Variants in INTS6 observed in about 807,000 individuals in gnomAD.
The protein encoded by INTS6 is integrator complex subunit 6.
A neutral mutation model predicts 104.9 loss-of-function variants in INTS6; 16 were observed. The ratio of observed to expected loss-of-function variants is 0.15; its 90% confidence interval spans 0.10 to 0.23. INTS6 has a LOEUF of 0.23. INTS6 is among the 10% of genes least tolerant of loss of function. INTS6 has a pLI of 1.00. For missense variants in INTS6, 584 were observed against 1,062.8 expected, an observed-to-expected ratio of 0.55 and a Z score of 6.26; for synonymous variants, 324 against 358.7, an observed-to-expected ratio of 0.90 and a Z score of 1.09.
rs1240556197 is a variant in INTS6, at chr13:51,382,047, C to T, written c.1257G>A (p.Met419Ile). 32 of 1,609,562 alleles carry T rather than the reference C, an allele frequency of 2.0e-5. No individual in the cohort carries two copies. Among genetic ancestry groups the T allele is most frequent in the Non-Finnish European group, 2.7e-5 (32 of 1,177,276 alleles). ...RQSFESYLKT[M>I]PPYYLGPLKK... The stretch of plus-strand genomic sequence containing the variant: ...TTCTTACCCCAAGATAGTAGGGAGG[C>T]ATTGTCTTCAAATAACTTTCAAATG... The change falls in exon 10 of 18, where the codon ATG becomes ATA. Residue 419 changes from methionine to isoleucine, a missense_variant. Met to Ile is a conservative substitution (Grantham distance 10, BLOSUM62 1). Around this residue, in one of 5 missense-constraint regions of INTS6, gnomAD observed 144 missense variants for 348.7 expected, o/e 0.41. Coordinates refer to ENST00000311234, the MANE Select transcript of INTS6 (RefSeq NM_012141.3).
At chr13:51,372,709 C>T (rs1377030068) in intron 15 of INTS6, among the ~76,000 whole-genome samples, 1 of 152,218 alleles carries the variant, frequency 6.6e-6, no homozygotes, top group Non-Finnish European at 1.5e-5. Flanking sequence ...TCTGACTCCT[C>T]CCCTGCTCTG....
chr13:51,337,920 C>T, the INTS6 span, among the ~76,000 whole-genome samples: 1 of 152,112 alleles, frequency 6.6e-6, no homozygotes, highest in South Asian at 2.1e-4. Flanking sequence ...GGTCAGAGAC[C>T]ACAGTGACTT....
At chr13:51,406,670 C>T (rs1242275107) in intron 4 of INTS6, among the ~76,000 whole-genome samples, 2 of 152,046 alleles carry the variant, frequency 1.3e-5, no homozygotes, top group Non-Finnish European at 2.9e-5. Context: ...CCTTGGATGG[C>T]TTCTTATTGC....
chr13:51,393,074 A>T (rs889830696), intron 5 of INTS6, among the ~76,000 whole-genome samples: 35 of 139,430 alleles, frequency 2.5e-4, no homozygotes, highest in Admixed American at 2.1e-3. Flanking sequence ...AAACAACTAA[A>T]TTTTTTTTTT....
At chr13:51,436,226 C>T (rs764697068) in intron 3 of INTS6, among the ~76,000 whole-genome samples, 102 of 151,894 alleles carry the variant, frequency 6.7e-4, no homozygotes, top group Non-Finnish European at 1.1e-3. Context: ...TTTTTTTTAA[C>T]CATGTGCATT....
intron 4 of INTS6, among the ~76,000 whole-genome samples, chr13:51,423,812 A>G (rs1956938635): frequency 6.6e-6 from 1 of 152,022 alleles, no homozygotes; most frequent in Non-Finnish European, 1.5e-5. Flanking sequence ...CTGTTTTGTT[A>G]AAGTTGTTCA....
Position 51,372,922 on chromosome 13 carries a change from G to A in INTS6, c.2104+1286C>T, listed in dbSNP as rs545524685. Among the ~76,000 whole-genome samples, 3 of 152,262 alleles carry A rather than the reference G, an allele frequency of 2.0e-5. No homozygotes were observed. In the South Asian group the frequency reaches 6.2e-4, roughly 32 times the overall value. Reference sequence around the variant, plus strand: ...CTCTCCAACATGTTTTCTGTTTGTGGAAAAGTTTGATTTTGTTTGATTCTG... The same window carrying A: ...CTCTCCAACATGTTTTCTGTTTGTGAAAAAGTTTGATTTTGTTTGATTCTG... On this transcript the variant is annotated intron_variant, in intron 15 of 17. Coordinates refer to ENST00000311234, the MANE Select transcript of INTS6 (RefSeq NM_012141.3).
At chr13:51,406,370 A>G (rs1195146490) in intron 4 of INTS6, among the ~76,000 whole-genome samples, 1 of 152,066 alleles carries the variant, frequency 6.6e-6, no homozygotes, top group African/African-American at 2.4e-5. Context: ...TCTACCCAAA[A>G]TGGTCCTCTT....
At chr13:51,348,436 G>A in the INTS6 span, 6 of 1,600,446 alleles carry the variant, frequency 3.7e-6, no homozygotes, top group Non-Finnish European at 5.1e-6. Flanking sequence ...CCCCCTCACA[G>A]GTGCTGTGCA....
At chr13:51,383,817 T>G (rs1347583864) in intron 7 of INTS6, 76 bp from the exon 8 acceptor site, 1 of 1,272,730 alleles carries the variant, frequency 7.9e-7, no homozygotes, top group Non-Finnish European at 1.1e-6. Flanking sequence ...ATTATCAAAA[T>G]TTACTCAGTT....
intron 3 of INTS6, chr13:51,436,289 C>G (rs1952685508): frequency 6.6e-6 from 1 of 151,924 alleles, no homozygotes; most frequent in African/African-American, 2.4e-5. Context: ...GTTTGGTATT[C>G]TAAAATAAAA....
In INTS6 at chr13:51,383,293, T is replaced by C. The variant is rs776406287; in HGVS notation, c.1180+36A>G. On this transcript the variant is annotated intron_variant, in intron 9 of 17. Transcript: ENST00000311234. ...AATGCGCTTTAGGAGAACTTTTATA[T>C]GCTAAGCCAAGGAGAAAGTGACAAG... The C allele has an allele frequency of 1.7e-5, 27 of 1,559,334 alleles. No homozygotes were observed. In the East Asian group the frequency reaches 6.1e-4, roughly 36 times the overall value.
At chr13:51,348,157 G>T in the INTS6 span, 2 of 1,371,826 alleles carry the variant, frequency 1.5e-6, no homozygotes. Context: ...GTCCGACACT[G>T]GTTCATTCTC....
chr13:51,370,507 A>G (rs1311042636), intron 15 of INTS6, among the ~76,000 whole-genome samples: 3 of 152,128 alleles, frequency 2.0e-5, no homozygotes. Flanking sequence ...GATGGCACCA[A>G]GTTCAAGAAG....
intron 3 of INTS6, chr13:51,439,262 C>T (rs1255755921): frequency 6.6e-6 from 1 of 152,054 alleles, no homozygotes; most frequent in East Asian, 1.9e-4. Flanking sequence ...TGGGCAAAAA[C>T]TAATAGAAGG....
chr13:51,339,445 A>C, the INTS6 span: 1 of 152,270 alleles, frequency 6.6e-6, no homozygotes, highest in Admixed American at 6.5e-5. Context: ...AAGCCTAAGA[A>C]GGCTTGACGG....
chr13:51,425,987 T>C (rs1956977859), intron 4 of INTS6, among the ~76,000 whole-genome samples: 2 of 151,830 alleles, frequency 1.3e-5, no homozygotes, highest in South Asian at 4.1e-4. Context: ...AAGCCAAATA[T>C]ATACACATAA....
At chr13:51,337,340 A>G in the INTS6 span, among the ~76,000 whole-genome samples, 2 of 152,230 alleles carry the variant, frequency 1.3e-5, no homozygotes, top group East Asian at 1.9e-4. Flanking sequence ...TGATTTGTTT[A>G]TAAGAATCGG....
chr13:51,372,247 C>T (rs79199726), intron 15 of INTS6, among the ~76,000 whole-genome samples: 1,723 of 152,024 alleles, frequency 0.011, 26 homozygotes, highest in East Asian at 0.07. Flanking sequence ...TCCACAGAAA[C>T]TGCTCTTGCT....
Sources: gnomAD v4.1 joint callset for allele counts (sites outside exome capture counted in the v4.1 genomes callset) on GRCh38, gnomAD v4.1.1 for gene constraint, gnomAD v4.1.1 regional missense constraint, MANE v1.5 for transcripts, NCBI Gene and HGNC (gene_info 2026-07-23, HGNC 2026-07-21) for gene names.